The following SLC41A2 variants were observed in gnomAD, a reference collection of about 807,000 sequenced individuals.
SLC41A2 encodes the protein solute carrier family 41 member 2, also known as SLC41A1-like 1.
Under a neutral mutation model 58.3 loss-of-function variants are expected in SLC41A2, and 32 were observed. That is an observed-to-expected ratio of 0.55 (90% CI 0.41 to 0.74). The LOEUF (loss-of-function observed/expected upper bound fraction) is 0.74. Ranked by LOEUF, SLC41A2 falls within the 30% of genes least tolerant of loss-of-function variation. SLC41A2 has a pLI of 0.00. For missense variants in SLC41A2, 514 were observed against 680.6 expected, an observed-to-expected ratio of 0.76 and a Z score of 2.72; for synonymous variants, 190 against 235.0, an observed-to-expected ratio of 0.81 and a Z score of 1.75.
chr12:104,822,206 T>C (rs1334387376), intron 10 of SLC41A2, among the ~76,000 whole-genome samples: 1 of 152,232 alleles, frequency 6.6e-6, no homozygotes, highest in Non-Finnish European at 1.5e-5. Flanking sequence ...TTCTACTATA[T>C]GCTAAGTATA....
chr12:104,942,880 T>C (rs1188476986), intron 1 of SLC41A2, among the ~76,000 whole-genome samples: 1 of 152,246 alleles, frequency 6.6e-6, no homozygotes, highest in Admixed American at 6.5e-5. Flanking sequence ...CTGGCACTTA[T>C]AAATCTGAAA....
At chr12:104,807,228 G>A (rs1053525652) in intron 10 of SLC41A2, among the ~76,000 whole-genome samples, 4 of 152,206 alleles carry the variant, frequency 2.6e-5, no homozygotes, top group East Asian at 1.9e-4. Context: ...AATCCATCTC[G>A]AATTAATTTT....
chr12:104,853,215 G>A (rs982205144), intron 8 of SLC41A2, among the ~76,000 whole-genome samples: 1 of 152,186 alleles, frequency 6.6e-6, no homozygotes, highest in Admixed American at 6.5e-5. Flanking sequence ...TCCAGTAAAT[G>A]TTTAGCACTA....
intron 6 of SLC41A2, among the ~76,000 whole-genome samples, chr12:104,875,114 T>C (rs1204828891): frequency 6.6e-6 from 1 of 152,236 alleles, no homozygotes; most frequent in Non-Finnish European, 1.5e-5. Context: ...CACTGATTGA[T>C]CTGTGTATGT....
At chr12:104,895,205 A>T (rs1004228974) in intron 4 of SLC41A2, 69 bp downstream of exon 4, 2 of 1,129,702 alleles carry the variant, frequency 1.8e-6, no homozygotes, top group Non-Finnish European at 2.7e-6. Flanking sequence ...TAAAATTTAC[A>T]CCAATCTTAT....
chr12:104,895,199 A>C (rs2045219866), intron 4 of SLC41A2, 75 bp downstream of exon 4: 2 of 1,085,448 alleles, frequency 1.8e-6, no homozygotes, highest in South Asian at 2.6e-5. Flanking sequence ...TAGTACTAAA[A>C]TTTACACCAA....
chr12:104,830,518 G>A (rs145107565), intron 10 of SLC41A2, among the ~76,000 whole-genome samples: 5 of 152,146 alleles, frequency 3.3e-5, no homozygotes, highest in East Asian at 1.9e-4. Flanking sequence ...TTGAATACAC[G>A]TATGTGGAAC....
chr12:104,867,755 T>C (rs1351739902), intron 6 of SLC41A2, among the ~76,000 whole-genome samples: 2 of 150,846 alleles, frequency 1.3e-5, no homozygotes, highest in Admixed American at 1.3e-4. Flanking sequence ...CAGCCTTAGA[T>C]TACTTAATCT....
At chr12:104,850,739 A>G (rs1182464147) in intron 8 of SLC41A2, among the ~76,000 whole-genome samples, 1 of 152,256 alleles carries the variant, frequency 6.6e-6, no homozygotes, top group Non-Finnish European at 1.5e-5. Context: ...TCCTCATCAC[A>G]TCTCATTTAG....
chr12:104,912,920 C>T (rs1353303789), intron 2 of SLC41A2, among the ~76,000 whole-genome samples: 1 of 152,110 alleles, frequency 6.6e-6, no homozygotes, highest in Non-Finnish European at 1.5e-5. Flanking sequence ...AGGGTAAAAC[C>T]CCCACACATT....
At chr12:104,811,996 G>C (rs1481487331) in intron 10 of SLC41A2, among the ~76,000 whole-genome samples, 1 of 152,200 alleles carries the variant, frequency 6.6e-6, no homozygotes, top group Admixed American at 6.5e-5. Context: ...GAGTGGTAGA[G>C]ATGCAGGACT....
At chr12:104,897,011 C>T (rs949994084) in intron 3 of SLC41A2, among the ~76,000 whole-genome samples, 1 of 152,102 alleles carries the variant, frequency 6.6e-6, no homozygotes, top group Non-Finnish European at 1.5e-5. Context: ...GAGTTTCCTA[C>T]CACAGATCGT....
At chr12:104,821,710 C>T (rs939656526) in intron 10 of SLC41A2, among the ~76,000 whole-genome samples, 5 of 152,196 alleles carry the variant, frequency 3.3e-5, no homozygotes, top group Admixed American at 1.3e-4. Flanking sequence ...CAAGGGAAAA[C>T]GTAGCCATGA....
At chr12:104,901,001 C>T (rs768511971) in intron 3 of SLC41A2, among the ~76,000 whole-genome samples, 9 of 152,086 alleles carry the variant, frequency 5.9e-5, no homozygotes, top group Non-Finnish European at 1.0e-4. Flanking sequence ...CAGTGCTTGG[C>T]ATAGAGTAAG....
rs55670022 is a variant in SLC41A2, at chr12:104,878,299, T to TTATATATATATATATATATATA, written c.1027+7972_1027+7993dup. ...AATCTGCAAATAATATACCTGTATTTTATATATATATATATATATATATAT... is the reference window on the plus strand; with the variant it reads ...AATCTGCAAATAATATACCTGTATTTTATATATATATATATATATATATATATATATATATATATATATATAT... On this transcript the variant is annotated intron_variant, in intron 6 of 10. Coordinates refer to ENST00000258538, the MANE Select transcript of SLC41A2 (RefSeq NM_001352171.3). Among the ~76,000 whole-genome samples the TTATATATATATATATATATATA allele has an allele frequency of 2.2e-3, 302 of 139,816 alleles. 1 individual carries two copies. The highest frequency in any genetic ancestry group is 5.0e-3 in the East Asian group (22 of 4,368). The allele number at this position is 139,816 out of a possible 152,430, so 91.7% of individuals were successfully genotyped here. A position where few individuals can be genotyped will look rare whatever the true frequency, so the allele number is the denominator to read the frequency against.
In SLC41A2 at chr12:104,928,165, C is replaced by T. The variant is rs749904814; in HGVS notation, c.363G>A (p.Arg121=). 9 of 1,614,014 alleles carry T rather than the reference C, an allele frequency of 5.6e-6. No individual in the cohort carries two copies. In the East Asian group the frequency reaches 6.7e-5, roughly 12 times the overall value. The change falls in exon 2 of 11, where the codon AGG becomes AGA. Residue 121 remains arginine, a synonymous_variant. Coordinates refer to ENST00000258538, the MANE Select transcript of SLC41A2 (RefSeq NM_001352171.3). ...DYANYNYCDG[R]ETSETTAMLQ... Reference sequence around the variant, plus strand: ...ACATGGCAGTGGTTTCTGAAGTCTCCCTTCCATCACAGTAATTATAATTGG... The same window carrying T: ...ACATGGCAGTGGTTTCTGAAGTCTCTCTTCCATCACAGTAATTATAATTGG...
intron 3 of SLC41A2, among the ~76,000 whole-genome samples, chr12:104,901,689 G>A (rs563675422): frequency 6.1e-4 from 93 of 151,986 alleles, no homozygotes; most frequent in African/African-American, 2.1e-3. Context: ...AGCTAAGACC[G>A]CAGGTATGTG....
At chr12:104,944,545 G>C (rs146477310) in intron 1 of SLC41A2, among the ~76,000 whole-genome samples, 12 of 152,300 alleles carry the variant, frequency 7.9e-5, no homozygotes, top group Non-Finnish European at 1.5e-4. Flanking sequence ...CTAACTCTGA[G>C]TTCTTTACTC....
At chr12:104,946,600 A>G (rs887932979) in intron 1 of SLC41A2, among the ~76,000 whole-genome samples, 2 of 152,164 alleles carry the variant, frequency 1.3e-5, no homozygotes, top group Admixed American at 1.3e-4. Context: ...GGAGAATACT[A>G]ACTGCTTATT....
Sources: gnomAD v4.1 joint callset for allele counts (sites outside exome capture counted in the v4.1 genomes callset) on GRCh38, gnomAD v4.1.1 for gene constraint, MANE v1.5 for transcripts, NCBI Gene and HGNC (gene_info 2026-07-23, HGNC 2026-07-21) for gene names.